Variants in KCNMB2 observed in about 807,000 individuals in gnomAD.
KCNMB2 encodes calcium-activated potassium channel subunit beta-2.
In KCNMB2, 9 loss-of-function variants were observed where a neutral mutation model predicts 24.5. The ratio of observed to expected loss-of-function variants is 0.37; its 90% CI spans 0.22 to 0.64. The LOEUF is 0.64. Ranked by LOEUF, KCNMB2 falls within the 30% of genes least tolerant of loss-of-function variation. The pLI is 0.63. For missense variants in KCNMB2, 226 were observed against 284.3 expected (o/e 0.79, Z 1.47); for synonymous variants, 109 against 104.4 (o/e 1.04, Z -0.27).
At chr3:178,721,694 T>C (rs1722812561) in intron 1 of KCNMB2, among the ~76,000 whole-genome samples, 1 of 152,226 alleles carries the variant, frequency 6.6e-6, no homozygotes, top group Non-Finnish European at 1.5e-5. Context: ...CCAACAGCAA[T>C]GCAAAAGAGT....
In KCNMB2 at chr3:178,807,340, T is replaced by C. The variant is rs1480287214; in HGVS notation, c.-67-3T>C. On this transcript the variant is annotated splice_region_variant and splice_polypyrimidine_tract_variant and intron_variant, in intron 1 of 4. Transcript: ENST00000452583. ...TGTTAACTTCATTGTGTACCTCTTC[T>C]AGGTCTTTTTGCCATTCCTCCAGGA... is the stretch of plus-strand genomic sequence containing the variant. 1.6e-6 allele frequency: 2 copies of C among 1,269,730 alleles called. No homozygotes were observed. The highest frequency in any genetic ancestry group is 2.9e-5 in the African/African-American group (2 of 67,798). 78.7% of individuals were successfully genotyped at this position (1,269,730 alleles called of 1,614,324 possible).
chr3:178,815,173 C>G (rs987323345), intron 2 of KCNMB2, among the ~76,000 whole-genome samples: 5 of 152,082 alleles, frequency 3.3e-5, no homozygotes, highest in African/African-American at 7.2e-5. Context: ...GGGTCTCGCT[C>G]TGTCACACTG....
At chr3:178,713,810 T>A (rs1722531378) in intron 1 of KCNMB2, among the ~76,000 whole-genome samples, 1 of 152,182 alleles carries the variant, frequency 6.6e-6, no homozygotes, top group Non-Finnish European at 1.5e-5. Context: ...GGAGGTGCTC[T>A]GAGAATGACC....
At chr3:178,731,707 C>A (rs888673374) in intron 1 of KCNMB2, among the ~76,000 whole-genome samples, 1 of 152,138 alleles carries the variant, frequency 6.6e-6, no homozygotes, top group African/African-American at 2.4e-5. Flanking sequence ...AGTTCAAGAC[C>A]AGCCTGGCCA....
intron 1 of KCNMB2, among the ~76,000 whole-genome samples, chr3:178,793,513 C>CTGG (rs1713406137): frequency 1.7e-5 from 2 of 120,486 alleles, no homozygotes; most frequent in Admixed American, 8.6e-5. Context: ...GCTCTTCACC[C>CTGG]TGGGGGGGTG....
In KCNMB2 at chr3:178,724,571, C is replaced by A. The variant is rs373042381; in HGVS notation, c.-67-82772C>A. ...GCTTTTAGGGTCTTGTTCAGAAATTCTTTGCCTAGGCCAATGTCTAGAAGA... is the reference window on the plus strand; with the variant it reads ...GCTTTTAGGGTCTTGTTCAGAAATTATTTGCCTAGGCCAATGTCTAGAAGA... On this transcript the variant is annotated intron_variant, in intron 1 of 4. Coordinates refer to ENST00000452583, the MANE Select transcript of KCNMB2 (RefSeq NM_181361.3). 2.0e-5 allele frequency among the ~76,000 whole-genome samples: 3 copies of A among 152,128 alleles called. No individual in the cohort carries two copies. In the East Asian group the frequency reaches 5.8e-4, roughly 29 times the overall value.
intron 1 of KCNMB2, among the ~76,000 whole-genome samples, chr3:178,665,877 A>G (rs929184184): frequency 2.6e-5 from 4 of 152,188 alleles, no homozygotes; most frequent in Non-Finnish European, 5.9e-5. Context: ...TCTCAGAACT[A>G]TTCCTAGCAA....
intron 1 of KCNMB2, among the ~76,000 whole-genome samples, chr3:178,620,110 A>C (rs1244906683): frequency 1.3e-5 from 2 of 152,182 alleles, no homozygotes; most frequent in African/African-American, 4.8e-5. Context: ...CCCACAGGGG[A>C]ATGTTTATAT....
chr3:178,802,352 C>T (rs1414844525), intron 1 of KCNMB2, among the ~76,000 whole-genome samples: 1 of 152,106 alleles, frequency 6.6e-6, no homozygotes, highest in Non-Finnish European at 1.5e-5. Flanking sequence ...AAGAAGAGTT[C>T]ATTAAGAGTA....
chr3:178,757,765 T>TACAC (rs1724187076), intron 1 of KCNMB2, among the ~76,000 whole-genome samples: 11 of 118,964 alleles, frequency 9.2e-5, no homozygotes, highest in African/African-American at 2.2e-4. Context: ...GATATATATA[T>TACAC]ATATCCAAGA....
chr3:178,550,504 A>G (rs1271708628), intron 1 of KCNMB2, among the ~76,000 whole-genome samples: 1 of 150,752 alleles, frequency 6.6e-6, no homozygotes, highest in African/African-American at 2.4e-5. Context: ...CGAAGGCATT[A>G]TAATAAAAGA....
chr3:178,645,154 G>T (rs1042083421), intron 1 of KCNMB2, among the ~76,000 whole-genome samples: 7 of 149,388 alleles, frequency 4.7e-5, no homozygotes, highest in Admixed American at 2.0e-4. Context: ...GGGTTCAAGC[G>T]ATTCTCCTGC....
rs1255662832 is a variant in KCNMB2, at chr3:178,679,003, CATT to C, written c.-67-128339_-67-128337del. ...ATAATTGGTTTGTTGTTGTTGTTGT[CATT>C]GTTGTTCATTTATCAGTTTTTTTTT... On this transcript the variant is annotated intron_variant, in intron 1 of 4. Coordinates refer to ENST00000452583, the MANE Select transcript of KCNMB2 (RefSeq NM_181361.3). Among the ~76,000 whole-genome samples the C allele has an allele frequency of 8.5e-5, 12 of 140,906 alleles. No individual in the cohort carries two copies. The East Asian group carries it at 2.2e-3, about 26-fold the overall frequency. The allele number at this position is 140,906 out of a possible 152,430, so 92.4% of individuals were successfully genotyped here. A position where few individuals can be genotyped will look rare whatever the true frequency, so the allele number is the denominator to read the frequency against.
intron 1 of KCNMB2, among the ~76,000 whole-genome samples, chr3:178,573,645 G>C (rs973421483): frequency 7.7e-4 from 116 of 150,420 alleles, no homozygotes; most frequent in African/African-American, 2.8e-3. Context: ...AACTTGGGAG[G>C]CTGAGGTGGG....
intron 1 of KCNMB2, among the ~76,000 whole-genome samples, chr3:178,577,324 C>T (rs1054183507): frequency 4.6e-5 from 7 of 152,108 alleles, no homozygotes; most frequent in East Asian, 1.9e-4. Flanking sequence ...ATAGCATCAA[C>T]ATCAACAAAA....
At chr3:178,770,552 AG>A (rs1235919505) in intron 1 of KCNMB2, among the ~76,000 whole-genome samples, 2 of 152,192 alleles carry the variant, frequency 1.3e-5, no homozygotes, top group African/African-American at 4.8e-5. Context: ...ATAAATTTTT[AG>A]GGAAATTCTT....
intron 1 of KCNMB2, among the ~76,000 whole-genome samples, chr3:178,557,746 G>T (rs1312128698): frequency 6.6e-6 from 1 of 152,212 alleles, no homozygotes; most frequent in Non-Finnish European, 1.5e-5. Context: ...GGAAATCTAA[G>T]CAGTGCATTG....
rs150059391 is a variant in KCNMB2 at position 178,577,360 on chromosome 3, C to T, written c.-68+40649C>T. ...AGGACATCCACACCAAAACCCCATC[C>T]GAAGGTCACCAATATCAAAACCAAA... is the stretch of plus-strand genomic sequence containing the variant. On this transcript the variant is annotated intron_variant, in intron 1 of 4. Coordinates refer to ENST00000452583, the MANE Select transcript of KCNMB2 (RefSeq NM_181361.3). Among the ~76,000 whole-genome samples the T allele has an allele frequency of 9.1e-3, 1,381 of 152,154 alleles. 19 individuals carry two copies. Among genetic ancestry groups the T allele is most frequent in the African/African-American group, 0.032 (1,318 of 41,502 alleles).
chr3:178,624,289 C>A (rs2108530092), intron 1 of KCNMB2, among the ~76,000 whole-genome samples: 1 of 150,838 alleles, frequency 6.6e-6, no homozygotes, highest in Admixed American at 6.6e-5. Flanking sequence ...GATACCCAAC[C>A]CATGAACAGC....
Sources: gnomAD v4.1 joint callset for allele counts (sites outside exome capture counted in the v4.1 genomes callset) on GRCh38, gnomAD v4.1.1 for gene constraint, MANE v1.5 for transcripts, NCBI Gene and HGNC (gene_info 2026-07-23, HGNC 2026-07-21) for gene names.